Variants in FGGY observed in about 807,000 individuals in gnomAD.
The protein encoded by FGGY is FGGY carbohydrate kinase domain-containing protein.
Under a neutral mutation model 71.3 loss-of-function variants are expected in FGGY, and 72 were observed. The ratio of observed to expected loss-of-function variants is 1.01; its 90% CI spans 0.84 to 1.23. FGGY has a LOEUF of 1.23. FGGY is among the 50% of genes most tolerant of loss of function. The pLI is 0.00. For missense variants in FGGY, 668 were observed against 682.3 expected (o/e 0.98, Z 0.23); for synonymous variants, 251 against 250.3 (o/e 1.00, Z -0.02).
At chr1:59,710,678 C>A (rs1404412143) in intron 14 of FGGY, among the ~76,000 whole-genome samples, 2 of 152,056 alleles carry the variant, frequency 1.3e-5, no homozygotes, top group African/African-American at 4.8e-5. Context: ...ATGTGGCCTA[C>A]AAACATATGA....
intron 6 of FGGY, among the ~76,000 whole-genome samples, chr1:59,468,872 TAAAAAAA>T (rs397967555): frequency 2.5e-5 from 3 of 119,578 alleles, no homozygotes; most frequent in Non-Finnish European, 5.3e-5. Flanking sequence ...ACTCTGTCTT[TAAAAAAA>T]AAAAAAAAAA....
At chr1:59,616,887 T>C (rs1047704583) in intron 9 of FGGY, among the ~76,000 whole-genome samples, 1 of 152,128 alleles carries the variant, frequency 6.6e-6, no homozygotes, top group Non-Finnish European at 1.5e-5. Flanking sequence ...CTGTATTTTA[T>C]AGTTAAGTGA....
intron 8 of FGGY, among the ~76,000 whole-genome samples, chr1:59,595,417 G>A (rs1352845455): frequency 4.6e-5 from 7 of 152,082 alleles, no homozygotes; most frequent in African/African-American, 1.4e-4. Context: ...CTGGCCTGGC[G>A]CGGTGGCTCA....
chr1:59,567,499 A>G (rs571034616), intron 8 of FGGY, among the ~76,000 whole-genome samples: 1 of 152,054 alleles, frequency 6.6e-6, no homozygotes, highest in Admixed American at 6.6e-5. Flanking sequence ...ATGATCAGCT[A>G]CCCAGGTACT....
At chr1:59,588,340 A>G (rs376830392) in intron 8 of FGGY, among the ~76,000 whole-genome samples, 18,298 of 151,134 alleles carry the variant, frequency 0.12, 1,312 homozygotes, top group South Asian at 0.29. Context: ...AAAGTGACGG[A>G]GAGAATGGAA....
At chr1:59,737,207 C>G (rs927704007) in intron 14 of FGGY, among the ~76,000 whole-genome samples, 1 of 152,230 alleles carries the variant, frequency 6.6e-6, no homozygotes, top group African/African-American at 2.4e-5. Context: ...AAGTTTGCTG[C>G]AGGGACAGGG....
chr1:59,490,466 T>C lies in FGGY; in HGVS notation c.671-21845T>C, dbSNP rs78812319. On this transcript the variant is annotated intron_variant, in intron 6 of 15. Transcript: ENST00000303721. ...CAAGTATTTTCTCCCATTCTATAGG[T>C]TGAATTTTCACTGTGTTGATTGTTT... Among the ~76,000 whole-genome samples the C allele has an allele frequency of 5.0e-3, 761 of 152,344 alleles. 6 individuals are homozygous for C. Among genetic ancestry groups the C allele is most frequent in the African/African-American group, 0.017 (715 of 41,584 alleles).
intron 4 of FGGY, among the ~76,000 whole-genome samples, chr1:59,352,453 C>A (rs1293257872): frequency 6.6e-6 from 1 of 152,206 alleles, no homozygotes; most frequent in Non-Finnish European, 1.5e-5. Flanking sequence ...AACCAACTGT[C>A]TGGAATGTCA....
chr1:59,403,772 T>C (rs913210052), intron 5 of FGGY, among the ~76,000 whole-genome samples: 2 of 151,974 alleles, frequency 1.3e-5, no homozygotes, highest in African/African-American at 4.8e-5. Context: ...GCTTAAGGAG[T>C]GTTTCTGATG....
chr1:59,712,077 T>C (rs529965368), intron 14 of FGGY, among the ~76,000 whole-genome samples: 10 of 152,110 alleles, frequency 6.6e-5, no homozygotes, highest in Non-Finnish European at 1.5e-4. Flanking sequence ...CTAGATACAA[T>C]GGGGATACAG....
At chr1:59,637,550 C>G (rs975524173) in intron 10 of FGGY, among the ~76,000 whole-genome samples, 43 of 151,890 alleles carry the variant, frequency 2.8e-4, no homozygotes, top group Admixed American at 6.6e-4. Flanking sequence ...TGTAGTGAGC[C>G]GAGATTGCAC....
chr1:59,499,729 C>T (rs894097700), intron 6 of FGGY, among the ~76,000 whole-genome samples: 1 of 152,140 alleles, frequency 6.6e-6, no homozygotes, highest in African/African-American at 2.4e-5. Context: ...AACCTAACAT[C>T]TTATTAGTGT....
At chr1:59,495,193 G>A (rs2093994198) in intron 6 of FGGY, among the ~76,000 whole-genome samples, 1 of 152,040 alleles carries the variant, frequency 6.6e-6, no homozygotes. Flanking sequence ...TTTTTCGCTT[G>A]TTAATTTGCT....
intron 5 of FGGY, among the ~76,000 whole-genome samples, chr1:59,447,098 C>T (rs2071456643): frequency 6.6e-6 from 1 of 152,046 alleles, no homozygotes; most frequent in South Asian, 2.1e-4. Context: ...GAGGCTCCTA[C>T]CTAACTAGGA....
intron 14 of FGGY, among the ~76,000 whole-genome samples, chr1:59,731,550 C>T (rs1011197983): frequency 1.6e-4 from 24 of 151,448 alleles, no homozygotes; most frequent in Middle Eastern, 3.2e-3. Context: ...TTAGCCAGTT[C>T]GTATTCCTTT....
intron 14 of FGGY, among the ~76,000 whole-genome samples, chr1:59,727,588 C>A (rs1182502814): frequency 1.3e-5 from 2 of 152,150 alleles, no homozygotes; most frequent in Non-Finnish European, 2.9e-5. Context: ...ATTTCATGCT[C>A]ATGGATCAGA....
chr1:59,757,483 T>C (rs974121004), intron 14 of FGGY, among the ~76,000 whole-genome samples: 16 of 152,196 alleles, frequency 1.1e-4, no homozygotes, highest in Non-Finnish European at 5.9e-5. Context: ...TTAAATATTT[T>C]ATCCTCAAGT....
intron 4 of FGGY, among the ~76,000 whole-genome samples, chr1:59,357,109 G>A (rs75696355): frequency 0.024 from 3,729 of 152,284 alleles, 176 homozygotes; most frequent in African/African-American, 0.086. Context: ...TCCAGGGTGG[G>A]TACTGGACTT....
At chr1:59,674,808 G>A (rs546273762) in intron 14 of FGGY, among the ~76,000 whole-genome samples, 1 of 152,294 alleles carries the variant, frequency 6.6e-6, no homozygotes, top group East Asian at 1.9e-4. Context: ...GGGCTTTGTG[G>A]AGAGGTTTTG....
Sources: allele counts gnomAD v4.1 joint callset (sites outside exome capture counted in the v4.1 genomes callset), GRCh38; gene constraint gnomAD v4.1.1; transcripts MANE v1.5; gene names NCBI Gene and HGNC (gene_info 2026-07-23, HGNC 2026-07-21).